Variants in IQCJ observed in about 807,000 individuals in gnomAD.
IQCJ encodes IQ motif containing J, also known as IQ domain-containing protein J.
In IQCJ, 9 loss-of-function variants were observed where a neutral mutation model predicts 11.0. The ratio of observed to expected loss-of-function variants is 0.82; its 90% CI spans 0.49 to 1.43. The LOEUF is 1.43. IQCJ is among the 40% of genes most tolerant of loss of function. The pLI is 0.00. For synonymous variants in IQCJ, 55 were observed against 51.3 expected (o/e 1.07, Z -0.31); for missense variants, 146 against 133.2 (o/e 1.10, Z -0.47).
intron 1 of IQCJ, among the ~76,000 whole-genome samples, chr3:159,172,050 G>C (rs1722509255): frequency 2.6e-5 from 4 of 152,130 alleles, no homozygotes. Flanking sequence ...TATATATTAA[G>C]AATCATAAAC....
intron 1 of IQCJ, among the ~76,000 whole-genome samples, chr3:159,168,848 G>T (rs1722323681): frequency 6.6e-6 from 1 of 151,568 alleles, no homozygotes; most frequent in Non-Finnish European, 1.5e-5. Flanking sequence ...GTTTAACATA[G>T]AGTCAATGGA....
chr3:159,108,538 T>C (rs1424477858), intron 1 of IQCJ, among the ~76,000 whole-genome samples: 1 of 152,222 alleles, frequency 6.6e-6, no homozygotes, highest in Non-Finnish European at 1.5e-5. Context: ...TTGGTTTGTT[T>C]GTAAAAATAC....
chr3:159,240,556 T>C (rs756954064), intron 1 of IQCJ, among the ~76,000 whole-genome samples: 5 of 152,228 alleles, frequency 3.3e-5, no homozygotes, highest in Non-Finnish European at 5.9e-5. Context: ...AATTCTAAAT[T>C]GTATTTCTCT....
chr3:159,151,606 CA>C (rs1161552794), intron 1 of IQCJ, among the ~76,000 whole-genome samples: 2 of 152,114 alleles, frequency 1.3e-5, no homozygotes, highest in African/African-American at 2.4e-5. Flanking sequence ...AAAAACAAAA[CA>C]AAAACAAAAA....
chr3:159,259,939 A>G (rs2108231571), intron 3 of IQCJ, among the ~76,000 whole-genome samples: 1 of 152,360 alleles, frequency 6.6e-6, no homozygotes, highest in East Asian at 1.9e-4. Context: ...ACATATGTGG[A>G]TGACTATAAA....
intron 1 of IQCJ, among the ~76,000 whole-genome samples, chr3:159,091,311 T>G (rs1038472856): frequency 1.3e-5 from 2 of 151,784 alleles, no homozygotes; most frequent in Non-Finnish European, 2.9e-5. Context: ...AGGCTAGAAG[T>G]CCAAGATCAG....
At chr3:159,082,765 TG>T (rs1215965647) in intron 1 of IQCJ, among the ~76,000 whole-genome samples, 1 of 152,058 alleles carries the variant, frequency 6.6e-6, no homozygotes, top group Admixed American at 6.6e-5. Context: ...CATGATGAGA[TG>T]TGGCTTTAAG....
intron 1 of IQCJ, among the ~76,000 whole-genome samples, chr3:159,103,301 A>T (rs553321936): frequency 6.6e-6 from 1 of 152,306 alleles, no homozygotes; most frequent in East Asian, 1.9e-4. Flanking sequence ...CATTTTAAAA[A>T]CCTGGAGAAT....
chr3:159,262,431 A>G (rs1728264387), intron 3 of IQCJ, 117 bp from the exon 4 acceptor site: 30 of 1,455,400 alleles, frequency 2.1e-5, no homozygotes, highest in Non-Finnish European at 2.7e-5. Flanking sequence ...TGTATGTTCT[A>G]CTTCCCTTGG....
intron 1 of IQCJ, among the ~76,000 whole-genome samples, chr3:159,112,326 A>AT (rs143087771): frequency 0.011 from 1,730 of 151,288 alleles, 40 homozygotes; most frequent in African/African-American, 0.04. Context: ...ATAAAATTGG[A>AT]TTTTTTTTTC....
chr3:159,233,786 T>C (rs947232247), intron 1 of IQCJ, among the ~76,000 whole-genome samples: 2 of 152,184 alleles, frequency 1.3e-5, no homozygotes, highest in African/African-American at 4.8e-5. Context: ...TCTCTGTGGA[T>C]GACCAGCACT....
At chr3:159,086,840 A>G (rs911119687) in intron 1 of IQCJ, among the ~76,000 whole-genome samples, 1 of 152,090 alleles carries the variant, frequency 6.6e-6, no homozygotes, top group Non-Finnish European at 1.5e-5. Flanking sequence ...GGTTTTCTAG[A>G]TATACAATCA....
chr3:159,155,462 T>G (rs1366843453), intron 1 of IQCJ, among the ~76,000 whole-genome samples: 2 of 152,210 alleles, frequency 1.3e-5, no homozygotes, highest in African/African-American at 2.4e-5. Flanking sequence ...CTGGCCTCAG[T>G]CATTTACTTT....
At chr3:159,088,860 T>C (rs1258786956) in intron 1 of IQCJ, among the ~76,000 whole-genome samples, 1 of 152,186 alleles carries the variant, frequency 6.6e-6, no homozygotes, top group Non-Finnish European at 1.5e-5. Context: ...TGATGGGTCT[T>C]GACTCTTTAT....
chr3:159,252,813 T>C lies in IQCJ; in HGVS notation c.155+6T>C, dbSNP rs936706465. ...TTGGAATCAAAGGTGAAAATGTAAG[T>C]TATTTCAAAGTATAAATTAAGCAAT... On this transcript the variant is annotated splice_donor_region_variant and intron_variant, in intron 3 of 3. Transcript: ENST00000397832. The C allele has an allele frequency of 1.2e-6, 2 of 1,608,540 alleles. No homozygotes were observed. The highest frequency in any genetic ancestry group is 1.7e-6 in the Non-Finnish European group (2 of 1,177,598).
At chr3:159,154,233 A>G (rs1447315370) in intron 1 of IQCJ, among the ~76,000 whole-genome samples, 1 of 152,136 alleles carries the variant, frequency 6.6e-6, no homozygotes, top group African/African-American at 2.4e-5. Flanking sequence ...TTTTTTTTAC[A>G]TTAGTTTTTG....
intron 1 of IQCJ, among the ~76,000 whole-genome samples, chr3:159,179,901 C>T (rs1384779167): frequency 6.6e-6 from 1 of 152,110 alleles, no homozygotes; most frequent in Admixed American, 6.6e-5. Context: ...AGACATTTTT[C>T]TCAAGTAGAT....
At chr3:159,119,200 A>G (rs1400359842) in intron 1 of IQCJ, among the ~76,000 whole-genome samples, 3 of 152,212 alleles carry the variant, frequency 2.0e-5, no homozygotes, top group Admixed American at 2.0e-4. Context: ...TGGTTCCAGA[A>G]GCTCAGCATT....
chr3:159,082,730 C>G (rs569023214), intron 1 of IQCJ, among the ~76,000 whole-genome samples: 1 of 152,142 alleles, frequency 6.6e-6, no homozygotes, highest in Admixed American at 6.6e-5. Flanking sequence ...CAATACCCAT[C>G]TAAGTTGTTT....
Sources: allele counts gnomAD v4.1 joint callset (sites outside exome capture counted in the v4.1 genomes callset), GRCh38; gene constraint gnomAD v4.1.1; transcripts MANE v1.5; gene names NCBI Gene and HGNC (gene_info 2026-07-23, HGNC 2026-07-21).